Variants in PTPRD observed in about 807,000 individuals in gnomAD.
The protein encoded by PTPRD is receptor-type tyrosine-protein phosphatase delta.
In PTPRD, 34 loss-of-function variants were observed where a neutral mutation model predicts 214.5. The observed-to-expected ratio is 0.16, with a 90% confidence interval of 0.12 to 0.21. The LOEUF is 0.21. Ranked by LOEUF, PTPRD falls within the 10% of genes least tolerant of loss-of-function variation. The probability of loss-of-function intolerance (pLI) is 1.00; values close to 1 mark genes in which losing one functional copy is unlikely to be tolerated. For synonymous variants in PTPRD, 1,128 were observed against 845.7 expected (o/e 1.33, Z -5.79); for missense variants, 2,545 against 2,398.7 (o/e 1.06, Z -1.27).
intron 3 of PTPRD, among the ~76,000 whole-genome samples, chr9:10,313,308 T>C (rs148379523): frequency 2.8e-4 from 43 of 151,572 alleles, no homozygotes; most frequent in African/African-American, 9.9e-4. Context: ...AGCTCATAAT[T>C]ATATATTTGA....
At chr9:9,377,247 T>C (rs1199931510) in intron 9 of PTPRD, among the ~76,000 whole-genome samples, 2 of 152,060 alleles carry the variant, frequency 1.3e-5, no homozygotes, top group African/African-American at 4.8e-5. Flanking sequence ...AGTATAGACA[T>C]TGAAATTACT....
At chr9:9,048,921 C>T (rs191560914) in intron 10 of PTPRD, among the ~76,000 whole-genome samples, 71 of 152,096 alleles carry the variant, frequency 4.7e-4, no homozygotes, top group Non-Finnish European at 9.3e-4. Flanking sequence ...ATCTCATGTA[C>T]CCCATAAATA....
In PTPRD at chr9:8,360,443, T is replaced by G. The variant is rs1381201579; in HGVS notation, c.4661+15493A>C. Among the ~76,000 whole-genome samples, 3 of 152,222 alleles carry G rather than the reference T, an allele frequency of 2.0e-5. No individual in the cohort carries two copies. The South Asian group carries it at 6.2e-4, about 31-fold the overall frequency. ...GCATTTGAGGTTAATGTCAACTGTA[T>G]ACATACATTTTAGGGTTCTTTGCTT... On this transcript the variant is annotated intron_variant, in intron 39 of 45. Transcript: ENST00000381196.
intron 10 of PTPRD, among the ~76,000 whole-genome samples, chr9:9,085,735 A>G (rs1288832992): frequency 6.6e-6 from 1 of 151,976 alleles, no homozygotes; most frequent in African/African-American, 2.4e-5. Flanking sequence ...GGTCAAATGC[A>G]TCTCTTTCCT....
At chr9:8,799,883 T>A (rs940681521) in intron 11 of PTPRD, among the ~76,000 whole-genome samples, 4 of 152,094 alleles carry the variant, frequency 2.6e-5, no homozygotes, top group African/African-American at 4.8e-5. Flanking sequence ...GTATGTGACT[T>A]CAGTCAATCC....
intron 9 of PTPRD, among the ~76,000 whole-genome samples, chr9:9,352,609 T>G (rs2051852279): frequency 6.6e-6 from 1 of 151,830 alleles, no homozygotes; most frequent in African/African-American, 2.4e-5. Flanking sequence ...TCTCAGTAGA[T>G]TCCTAACACA....
intron 3 of PTPRD, among the ~76,000 whole-genome samples, chr9:10,234,984 G>A (rs1594954201): frequency 6.7e-6 from 1 of 150,160 alleles, no homozygotes; most frequent in East Asian, 2.0e-4. Context: ...CAATTATTAT[G>A]TGTGTGTTTA....
chr9:10,348,586 T>C (rs1208970903), intron 2 of PTPRD, among the ~76,000 whole-genome samples: 1 of 152,184 alleles, frequency 6.6e-6, no homozygotes, highest in Non-Finnish European at 1.5e-5. Flanking sequence ...GTATTAAAAA[T>C]GTACCTTTTA....
intron 8 of PTPRD, among the ~76,000 whole-genome samples, chr9:9,551,789 A>G (rs1034256669): frequency 1.3e-5 from 2 of 151,998 alleles, no homozygotes; most frequent in Non-Finnish European, 2.9e-5. Flanking sequence ...AGTAAGGGAC[A>G]CTGCCCCAAA....
intron 4 of PTPRD, among the ~76,000 whole-genome samples, chr9:10,002,595 G>C (rs183301274): frequency 6.7e-6 from 1 of 149,616 alleles, no homozygotes; most frequent in East Asian, 2.0e-4. Flanking sequence ...CACAAAAGAA[G>C]AATATTTTGT....
intron 5 of PTPRD, among the ~76,000 whole-genome samples, chr9:9,927,049 G>C (rs781759765): frequency 6.6e-6 from 1 of 152,084 alleles, no homozygotes; most frequent in Admixed American, 6.6e-5. Flanking sequence ...TGCCTTAGGA[G>C]ATTAATTTTG....
At chr9:8,728,155 C>T (rs1345647033) in intron 12 of PTPRD, among the ~76,000 whole-genome samples, 3 of 152,158 alleles carry the variant, frequency 2.0e-5, no homozygotes, top group African/African-American at 7.2e-5. Context: ...GAGGCTGACG[C>T]AGGAGAATCG....
intron 4 of PTPRD, among the ~76,000 whole-genome samples, chr9:9,991,214 A>G (rs1048887132): frequency 1.3e-5 from 2 of 152,136 alleles, no homozygotes; most frequent in African/African-American, 4.8e-5. Context: ...TATTACAGGC[A>G]TGAGCCACCA....
At chr9:9,545,128 A>C (rs1358150636) in intron 8 of PTPRD, among the ~76,000 whole-genome samples, 1 of 151,722 alleles carries the variant, frequency 6.6e-6, no homozygotes, top group Non-Finnish European at 1.5e-5. Context: ...AAAATTGCTG[A>C]ACCTATGTTA....
chr9:10,206,728 TCA>T (rs1447156215), intron 3 of PTPRD, among the ~76,000 whole-genome samples: 1 of 152,222 alleles, frequency 6.6e-6, no homozygotes, highest in African/African-American at 2.4e-5. Context: ...TGTTATCCAT[TCA>T]CAGTTTGGTA....
At chr9:8,661,506 T>C (rs1565083265) in intron 12 of PTPRD, among the ~76,000 whole-genome samples, 1 of 152,074 alleles carries the variant, frequency 6.6e-6, no homozygotes, top group South Asian at 2.1e-4. Context: ...TGTTAGAATA[T>C]AAAATGTTTA....
intron 4 of PTPRD, among the ~76,000 whole-genome samples, chr9:9,941,057 C>T (rs2382084): frequency 0.56 from 85,691 of 151,908 alleles, 27,078 homozygotes; most frequent in East Asian, 0.91. Context: ...ACACTAATGA[C>T]AGCTGATGAG....
chr9:9,960,566 C>G (rs2094292514), intron 4 of PTPRD, among the ~76,000 whole-genome samples: 1 of 152,062 alleles, frequency 6.6e-6, no homozygotes, highest in African/African-American at 2.4e-5. Flanking sequence ...ATAGCATGTA[C>G]TTTTGATGGG....
chr9:8,336,536 C>CAAAG (rs1846938831), intron 43 of PTPRD, among the ~76,000 whole-genome samples: 1 of 139,804 alleles, frequency 7.2e-6, no homozygotes, highest in Non-Finnish European at 1.5e-5. Flanking sequence ...TAGGTATACA[C>CAAAG]AAAGACTTCA....
Sources: gnomAD v4.1 joint callset for allele counts (sites outside exome capture counted in the v4.1 genomes callset) on GRCh38, gnomAD v4.1.1 for gene constraint, MANE v1.5 for transcripts, NCBI Gene and HGNC (gene_info 2026-07-23, HGNC 2026-07-21) for gene names.